The following HNRNPA1L2 variants were observed in gnomAD, a reference collection of about 807,000 sequenced individuals.
HNRNPA1L2 encodes the protein heterogeneous nuclear ribonucleoprotein A1-like 2.
In HNRNPA1L2, 10 loss-of-function variants were observed where a neutral mutation model predicts 18.2. The observed-to-expected ratio is 0.55, with a 90% confidence interval of 0.34 to 0.93. HNRNPA1L2 has a LOEUF of 0.93. Among genes scored for constraint, HNRNPA1L2 ranks in the 40% least tolerant of loss-of-function variants. The probability of loss-of-function intolerance (pLI) is 0.02; values close to 1 mark genes in which losing one functional copy is unlikely to be tolerated. For synonymous variants in HNRNPA1L2, 124 were observed against 138.6 expected, an observed-to-expected ratio of 0.89 and a Z score of 0.74; for missense variants, 308 against 394.4, an observed-to-expected ratio of 0.78 and a Z score of 1.85.
chr13:52,635,005 C>T, the HNRNPA1L2 span, among the ~76,000 whole-genome samples: 5 of 152,322 alleles, frequency 3.3e-5, no homozygotes, highest in Admixed American at 6.5e-5. Context: ...AGACATAGGT[C>T]GGTCAGTGTC....
At chr13:52,624,248 G>C in the HNRNPA1L2 span, among the ~76,000 whole-genome samples, 1 of 152,108 alleles carries the variant, frequency 6.6e-6, no homozygotes, top group Non-Finnish European at 1.5e-5. Flanking sequence ...CGAGTAGCTG[G>C]GATTACAGGT....
the HNRNPA1L2 span, chr13:52,629,460 T>C: frequency 1.1e-5 from 2 of 175,232 alleles, no homozygotes; most frequent in African/African-American, 4.8e-5. Flanking sequence ...CTGTTGGATA[T>C]GTGAGCATTA....
chr13:52,624,738 A>G, the HNRNPA1L2 span, among the ~76,000 whole-genome samples: 30 of 152,330 alleles, frequency 2.0e-4, no homozygotes, highest in East Asian at 5.6e-3. Context: ...ATTTAAAAGT[A>G]TTCTCGAGGG....
At chr13:52,620,781 G>A in the HNRNPA1L2 span, among the ~76,000 whole-genome samples, 1 of 152,216 alleles carries the variant, frequency 6.6e-6, no homozygotes, top group East Asian at 1.9e-4. Flanking sequence ...GGAGGCTGAG[G>A]TGGGAGGATC....
chr13:52,641,501 TC>T (rs1961654381), upstream of HNRNPA1L2: 1 of 152,182 alleles, frequency 6.6e-6, no homozygotes, highest in Admixed American at 6.5e-5. Context: ...TGTAATATTT[TC>T]CCCCTTTTAC....
At chr13:52,631,987 T>C in the HNRNPA1L2 span, among the ~76,000 whole-genome samples, 2 of 152,326 alleles carry the variant, frequency 1.3e-5, no homozygotes, top group Middle Eastern at 3.4e-3. Context: ...TAAAAACAAG[T>C]GTTGACTCTT....
the HNRNPA1L2 span, among the ~76,000 whole-genome samples, chr13:52,626,691 T>C: frequency 6.6e-6 from 1 of 152,026 alleles, no homozygotes; most frequent in Non-Finnish European, 1.5e-5. Flanking sequence ...TGATAATGAT[T>C]GATGGCTTTT....
At chr13:52,620,730 T>C in the HNRNPA1L2 span, among the ~76,000 whole-genome samples, 1 of 152,070 alleles carries the variant, frequency 6.6e-6, no homozygotes, top group Admixed American at 6.6e-5. Flanking sequence ...CTGTGCAACA[T>C]GGGAAACCCA....
upstream of HNRNPA1L2, chr13:52,642,425 G>A: frequency 6.3e-7 from 1 of 1,583,628 alleles, no homozygotes; most frequent in Non-Finnish European, 8.6e-7. Context: ...TAAGATCTCT[G>A]GTGGACTTTT....
At position 52,643,697 on chromosome 13, in the gene HNRNPA1L2, A is replaced by C. The variant is rs1961743030; in HGVS notation, c.*242A>C. On this transcript the variant is annotated 3_prime_UTR_variant, in exon 1 of 1. Transcript: ENST00000357495. ...TGGAAAGTGTAAAGCATTCCAACAA[A>C]GTGTTTTAATGTAGATTTTTTTTTT... The C allele has an allele frequency of 3.8e-5, 22 of 579,540 alleles. No individual in the cohort carries two copies. The East Asian group carries it at 6.4e-4, about 17-fold the overall frequency. 35.9% of individuals were successfully genotyped at this position (579,540 alleles called of 1,614,324 possible). A position where few individuals can be genotyped will look rare whatever the true frequency, so the allele number is the denominator to read the frequency against.
the HNRNPA1L2 span, among the ~76,000 whole-genome samples, chr13:52,625,386 A>C: frequency 1.3e-5 from 2 of 152,218 alleles, no homozygotes; most frequent in South Asian, 4.2e-4. Context: ...AAGTGCTGGG[A>C]TTACTGCCAT....
the HNRNPA1L2 span, among the ~76,000 whole-genome samples, chr13:52,628,841 A>G: frequency 3.3e-5 from 5 of 152,238 alleles, no homozygotes; most frequent in Non-Finnish European, 7.3e-5. Context: ...CCTGTTTCAG[A>G]AAGTTTATTA....
At chr13:52,634,883 G>T in the HNRNPA1L2 span, among the ~76,000 whole-genome samples, 1 of 152,216 alleles carries the variant, frequency 6.6e-6, no homozygotes, top group African/African-American at 2.4e-5. Flanking sequence ...AGGATCAAAT[G>T]AGGTCATCTG....
chr13:52,627,229 T>C, the HNRNPA1L2 span, among the ~76,000 whole-genome samples: 1 of 152,214 alleles, frequency 6.6e-6, no homozygotes, highest in African/African-American at 2.4e-5. Context: ...CACCTTAATA[T>C]ATTGTTCTGA....
At chr13:52,639,790 A>G (rs535667008), upstream of HNRNPA1L2, among the ~76,000 whole-genome samples, 3 of 151,822 alleles carry the variant, frequency 2.0e-5, no homozygotes, top group South Asian at 6.2e-4. Flanking sequence ...CCTGTAGGAT[A>G]AAGTCCAAAA....
At chr13:52,627,732 TA>T in the HNRNPA1L2 span, among the ~76,000 whole-genome samples, 1 of 152,208 alleles carries the variant, frequency 6.6e-6, no homozygotes, top group Non-Finnish European at 1.5e-5. Flanking sequence ...TTCAAGTTTT[TA>T]AAAAACTTAT....
chr13:52,642,158 GCCAACAATGTGGGGTTGGTGATC>G (rs1197365200), upstream of HNRNPA1L2: 6 of 327,128 alleles, frequency 1.8e-5, no homozygotes, highest in East Asian at 3.0e-4. Flanking sequence ...TGCCAATATG[GCCAACAATGTGGGGTTGGTGATC>G]CCAACAATGT....
chr13:52,629,243 GA>G, the HNRNPA1L2 span: 1 of 176,420 alleles, frequency 5.7e-6, no homozygotes, highest in Non-Finnish European at 1.3e-5. Context: ...TATCAGATAT[GA>G]AAATTGCCAG....
the HNRNPA1L2 span, among the ~76,000 whole-genome samples, chr13:52,633,802 A>AC: frequency 6.6e-6 from 1 of 151,672 alleles, no homozygotes; most frequent in South Asian, 2.1e-4. Context: ...ACAGAGTGAG[A>AC]CCCCCTCTCA....
Sources: allele counts gnomAD v4.1 joint callset (sites outside exome capture counted in the v4.1 genomes callset), GRCh38; gene constraint gnomAD v4.1.1; transcripts MANE v1.5; gene names NCBI Gene and HGNC (gene_info 2026-07-23, HGNC 2026-07-21).